Variants in TTC28 observed in about 807,000 individuals in gnomAD.
The protein encoded by TTC28 is tetratricopeptide repeat protein 28.
Under a neutral mutation model 198.0 loss-of-function variants are expected in TTC28, and 61 were observed. The observed-to-expected ratio is 0.31, with a 90% CI of 0.25 to 0.38. TTC28 has a LOEUF of 0.38. TTC28 is among the 10% of genes least tolerant of loss of function. The pLI, the probability that TTC28 is intolerant of heterozygous loss-of-function variation, is 1.00. For synonymous variants in TTC28, 1,171 were observed against 1,297.8 expected, an observed-to-expected ratio of 0.90 and a Z score of 2.10; for missense variants, 2,678 against 3,164.0, an observed-to-expected ratio of 0.85 and a Z score of 3.69.
intron 22 of TTC28, among the ~76,000 whole-genome samples, chr22:27,984,799 C>T (rs1937155106): frequency 6.6e-6 from 1 of 152,234 alleles, no homozygotes; most frequent in Admixed American, 6.5e-5. Context: ...GTTCCACCTG[C>T]AAACCATAAC....
intron 2 of TTC28, among the ~76,000 whole-genome samples, chr22:28,338,464 T>A (rs1242490936): frequency 6.6e-6 from 1 of 151,598 alleles, no homozygotes; most frequent in African/African-American, 2.4e-5. Flanking sequence ...TCCCCATGAC[T>A]TTCAGGTACA....
intron 2 of TTC28, among the ~76,000 whole-genome samples, chr22:28,623,431 A>G (rs2051031450): frequency 6.6e-6 from 1 of 152,238 alleles, no homozygotes; most frequent in Admixed American, 6.5e-5. Context: ...AGCCAATTCC[A>G]AAATCTTAGT....
chr22:28,624,823 A>G (rs1204263566), intron 2 of TTC28, among the ~76,000 whole-genome samples: 1 of 152,228 alleles, frequency 6.6e-6, no homozygotes, highest in Non-Finnish European at 1.5e-5. Context: ...TCTCTTAAAC[A>G]TAGATGCAAA....
chr22:28,456,335 T>C (rs1167997920), intron 2 of TTC28, among the ~76,000 whole-genome samples: 1 of 151,312 alleles, frequency 6.6e-6, no homozygotes, highest in African/African-American at 2.4e-5. Flanking sequence ...CAATGAGGAG[T>C]GACTGTTAAT....
chr22:28,296,058 GA>G, intron 5 of TTC28, 139 bp downstream of exon 5: 1 of 873,642 alleles, frequency 1.1e-6, no homozygotes, highest in Non-Finnish European at 1.7e-6. Flanking sequence ...ATGAAAAACA[GA>G]ATCAGTAAGT....
At chr22:28,172,459 C>T (rs762129716) in intron 5 of TTC28, among the ~76,000 whole-genome samples, 9 of 152,190 alleles carry the variant, frequency 5.9e-5, no homozygotes, top group Non-Finnish European at 1.0e-4. Flanking sequence ...ACACCCCAGG[C>T]GTCGCTGTTC....
In TTC28 at chr22:28,298,688, T is replaced by C. The variant is rs1019514791; in HGVS notation, c.530-836A>G. The stretch of plus-strand genomic sequence containing the variant: ...CTGTTGTCAAACTCCTCGGCTCAAG[T>C]GATCCTCCCACCTCGACCTCCCAAA... On this transcript the variant is annotated intron_variant, in intron 3 of 22. Coordinates refer to ENST00000397906, the MANE Select transcript of TTC28 (RefSeq NM_001145418.2). 3.2e-4 allele frequency among the ~76,000 whole-genome samples: 49 copies of C among 152,288 alleles called. 1 individual carries two copies. The highest frequency in any genetic ancestry group is 6.5e-4 in the Admixed American group (10 of 15,294).
At chr22:28,215,372 C>T (rs938085156) in intron 5 of TTC28, among the ~76,000 whole-genome samples, 14 of 152,198 alleles carry the variant, frequency 9.2e-5, no homozygotes, top group Non-Finnish European at 1.5e-4. Flanking sequence ...ACTGCAACCT[C>T]TGTGCTACTA....
Position 28,646,845 on chromosome 22 carries a change from CAG to C in TTC28, c.103-17017_103-17016del, listed in dbSNP as rs2051475820. ...CACCACTGCAGTCCAGCCTGGGCGA[CAG>C]AACGAAACTCTGTCGAAAGAAAGAA... On this transcript the variant is annotated intron_variant, in intron 1 of 22. Transcript: ENST00000397906. Among the ~76,000 whole-genome samples, 3 of 152,176 alleles carry C rather than the reference CAG, an allele frequency of 2.0e-5. No individual in the cohort carries two copies. The South Asian group carries it at 6.2e-4, about 32-fold the overall frequency.
intron 2 of TTC28, among the ~76,000 whole-genome samples, chr22:28,361,851 T>C (rs2046164062): frequency 1.3e-5 from 2 of 152,236 alleles, no homozygotes; most frequent in Non-Finnish European, 2.9e-5. Flanking sequence ...TTAAGAATTA[T>C]GCTGAATCTA....
At chr22:28,026,196 G>C (rs571110791) in intron 13 of TTC28, among the ~76,000 whole-genome samples, 4 of 152,168 alleles carry the variant, frequency 2.6e-5, no homozygotes, top group Non-Finnish European at 5.9e-5. Flanking sequence ...AGGGGGAAGG[G>C]GGCAGGGAAA....
At chr22:28,489,761 G>A (rs991371713) in intron 2 of TTC28, among the ~76,000 whole-genome samples, 5 of 151,646 alleles carry the variant, frequency 3.3e-5, no homozygotes, top group African/African-American at 1.2e-4. Flanking sequence ...TCTCCCAAAA[G>A]GCAAAATAAA....
chr22:28,553,811 C>T (rs956238257), intron 2 of TTC28, among the ~76,000 whole-genome samples: 1 of 152,094 alleles, frequency 6.6e-6, no homozygotes, highest in South Asian at 2.1e-4. Flanking sequence ...CACCTCTGCC[C>T]GGCTGCCCCT....
intron 14 of TTC28, among the ~76,000 whole-genome samples, chr22:28,012,637 G>A (rs1453142173): frequency 2.0e-5 from 3 of 152,016 alleles, no homozygotes; most frequent in Admixed American, 1.3e-4. Flanking sequence ...TCAGCCTCCC[G>A]AGTAGCTGGG....
At chr22:28,553,406 G>T (rs1170186662) in intron 2 of TTC28, among the ~76,000 whole-genome samples, 1 of 140,738 alleles carries the variant, frequency 7.1e-6, no homozygotes, top group African/African-American at 2.7e-5. Context: ...GCCGCCCATC[G>T]TCTGAGATGT....
intron 12 of TTC28, among the ~76,000 whole-genome samples, chr22:28,065,820 A>G (rs563678826): frequency 1.3e-5 from 2 of 152,362 alleles, no homozygotes; most frequent in Non-Finnish European, 2.9e-5. Context: ...AGAAAGGTTT[A>G]GAGAAGGGAT....
At chr22:28,289,378 T>C (rs2044744918) in intron 5 of TTC28, among the ~76,000 whole-genome samples, 1 of 152,222 alleles carries the variant, frequency 6.6e-6, no homozygotes, top group Non-Finnish European at 1.5e-5. Flanking sequence ...CTATGTAATT[T>C]ATGTACTCTT....
intron 2 of TTC28, among the ~76,000 whole-genome samples, chr22:28,342,696 T>C (rs1252502985): frequency 2.0e-5 from 3 of 152,226 alleles, no homozygotes; most frequent in African/African-American, 2.4e-5. Flanking sequence ...TCATCTTTCA[T>C]ACAGATCCAA....
intron 12 of TTC28, among the ~76,000 whole-genome samples, chr22:28,036,039 A>T (rs553588758): frequency 1.3e-5 from 2 of 152,152 alleles, no homozygotes; most frequent in Admixed American, 1.3e-4. Flanking sequence ...GTCAATAATA[A>T]TGGGAGACTT....
Sources: allele counts gnomAD v4.1 joint callset (sites outside exome capture counted in the v4.1 genomes callset), GRCh38; gene constraint gnomAD v4.1.1; transcripts MANE v1.5; gene names NCBI Gene and HGNC (gene_info 2026-07-23, HGNC 2026-07-21).